NRG3: variants seen among roughly 807,000 people sequenced by gnomAD.
The protein encoded by NRG3 is pro-neuregulin-3, membrane-bound isoform.
NRG3 carries 31 observed loss-of-function variants against 66.9 expected under a neutral mutation model. The observed-to-expected ratio is 0.46, with a 90% CI of 0.35 to 0.63. The LOEUF is 0.63. Ranked by LOEUF, NRG3 falls within the 20% of genes least tolerant of loss-of-function variation. NRG3 has a pLI of 0.00. For synonymous variants in NRG3, 393 were observed against 359.4 expected (o/e 1.09, Z -1.06); for missense variants, 910 against 878.9 (o/e 1.04, Z -0.45).
intron 1 of NRG3, among the ~76,000 whole-genome samples, chr10:82,196,484 G>T (rs1433545610): frequency 1.3e-5 from 2 of 152,158 alleles, no homozygotes; most frequent in African/African-American, 4.8e-5. Flanking sequence ...TTCAATGCCT[G>T]TGGCATTCAT....
At chr10:82,209,376 C>A (rs2075287160) in intron 1 of NRG3, among the ~76,000 whole-genome samples, 1 of 152,080 alleles carries the variant, frequency 6.6e-6, no homozygotes, top group Non-Finnish European at 1.5e-5. Context: ...GTCATATTTT[C>A]TAATTTAAAG....
intron 2 of NRG3, among the ~76,000 whole-genome samples, chr10:82,737,307 T>C (rs755991289): frequency 1.3e-5 from 2 of 152,166 alleles, no homozygotes; most frequent in Non-Finnish European, 2.9e-5. Context: ...TTACCTGAAT[T>C]CCAATTTGGC....
intron 4 of NRG3, among the ~76,000 whole-genome samples, chr10:82,900,752 G>A (rs1358414245): frequency 6.6e-6 from 1 of 152,136 alleles, no homozygotes; most frequent in Non-Finnish European, 1.5e-5. Context: ...GATTCAGTCA[G>A]AAAATAAATG....
intron 7 of NRG3, among the ~76,000 whole-genome samples, chr10:82,976,475 G>A (rs1002064462): frequency 1.3e-5 from 2 of 152,138 alleles, no homozygotes; most frequent in African/African-American, 4.8e-5. Context: ...GGAACTCATC[G>A]TGCTGAGCAC....
At chr10:82,449,463 C>T (rs960078683) in intron 2 of NRG3, among the ~76,000 whole-genome samples, 1 of 152,196 alleles carries the variant, frequency 6.6e-6, no homozygotes, top group African/African-American at 2.4e-5. Flanking sequence ...TTGCATTTGC[C>T]TTAGCTTGCG....
chr10:82,915,643 A>C (rs1845761982), intron 4 of NRG3, among the ~76,000 whole-genome samples: 1 of 151,094 alleles, frequency 6.6e-6, no homozygotes, highest in African/African-American at 2.4e-5. Flanking sequence ...TAAAAAAAAA[A>C]TTAGACACAA....
At chr10:82,648,659 G>GT (rs1419118518) in intron 2 of NRG3, among the ~76,000 whole-genome samples, 1 of 152,098 alleles carries the variant, frequency 6.6e-6, no homozygotes, top group East Asian at 1.9e-4. Context: ...TCTTCCATTT[G>GT]TTTGTATCCT....
chr10:81,881,308 CT>C (rs1842161512), intron 1 of NRG3, among the ~76,000 whole-genome samples: 1 of 150,342 alleles, frequency 6.7e-6, no homozygotes, highest in South Asian at 2.1e-4. Context: ...ATAAGTTAAT[CT>C]TTTGGGTAAG....
chr10:82,514,328 G>A (rs569748216), intron 2 of NRG3, among the ~76,000 whole-genome samples: 1 of 152,198 alleles, frequency 6.6e-6, no homozygotes, highest in African/African-American at 2.4e-5. Context: ...AGTTTTAAAT[G>A]TAAGCCTTTA....
intron 1 of NRG3, among the ~76,000 whole-genome samples, chr10:82,333,737 T>G (rs1354631905): frequency 6.6e-6 from 1 of 152,210 alleles, no homozygotes; most frequent in East Asian, 1.9e-4. Flanking sequence ...ACCCATTGCA[T>G]TGACTTTTAA....
At chr10:82,125,251 G>A (rs982819790) in intron 1 of NRG3, among the ~76,000 whole-genome samples, 18 of 151,960 alleles carry the variant, frequency 1.2e-4, no homozygotes, top group Non-Finnish European at 2.4e-4. Flanking sequence ...CTGTGTCAGT[G>A]TGTGTGTTTA....
intron 2 of NRG3, among the ~76,000 whole-genome samples, chr10:82,737,317 C>T (rs2058200886): frequency 6.6e-6 from 1 of 152,136 alleles, no homozygotes; most frequent in African/African-American, 2.4e-5. Context: ...TCCAATTTGG[C>T]TCACAATGAA....
intron 2 of NRG3, among the ~76,000 whole-genome samples, chr10:82,492,239 A>G (rs1374681428): frequency 6.6e-6 from 1 of 152,216 alleles, no homozygotes; most frequent in African/African-American, 2.4e-5. Context: ...AGAATGACAA[A>G]TAGCATTACA....
intron 5 of NRG3, among the ~76,000 whole-genome samples, chr10:82,956,567 G>A (rs182191332): frequency 2.6e-5 from 4 of 152,004 alleles, no homozygotes; most frequent in East Asian, 1.9e-4. Flanking sequence ...AACGCAGTCC[G>A]GTATTGGATA....
chr10:82,499,601 G>T (rs1224206012), intron 2 of NRG3, among the ~76,000 whole-genome samples: 1 of 151,898 alleles, frequency 6.6e-6, no homozygotes, highest in African/African-American at 2.4e-5. Flanking sequence ...GTCTCAAATG[G>T]TCTCTAAGCA....
At chr10:82,607,447 T>C (rs1470260412) in intron 2 of NRG3, among the ~76,000 whole-genome samples, 1 of 152,154 alleles carries the variant, frequency 6.6e-6, no homozygotes, top group Non-Finnish European at 1.5e-5. Flanking sequence ...TTTTTCTCCA[T>C]TCTTTTACTT....
At chr10:82,872,770 T>C (rs545054567) in intron 4 of NRG3, among the ~76,000 whole-genome samples, 1 of 149,010 alleles carries the variant, frequency 6.7e-6, no homozygotes, top group Non-Finnish European at 1.5e-5. Context: ...GCTTGGAAAG[T>C]TCAGGAACAG....
At chr10:82,541,233 A>G (rs2043519158) in intron 2 of NRG3, among the ~76,000 whole-genome samples, 1 of 152,212 alleles carries the variant, frequency 6.6e-6, no homozygotes, top group Non-Finnish European at 1.5e-5. Context: ...TGTCAATATG[A>G]GTAGAAATAA....
At chr10:82,119,092 T>C (rs2067912938) in intron 1 of NRG3, among the ~76,000 whole-genome samples, 1 of 152,224 alleles carries the variant, frequency 6.6e-6, no homozygotes, top group South Asian at 2.1e-4. Context: ...GAATGCAATG[T>C]GCAATACTTA....
Sources: gnomAD v4.1 joint callset for allele counts (sites outside exome capture counted in the v4.1 genomes callset) on GRCh38, gnomAD v4.1.1 for gene constraint, MANE v1.5 for transcripts, NCBI Gene and HGNC (gene_info 2026-07-23, HGNC 2026-07-21) for gene names.